Variants in SVEP1 observed in about 807,000 individuals in gnomAD.
SVEP1 encodes sushi, von Willebrand factor type A, EGF and pentraxin domain containing 1, also known as sushi, von Willebrand factor type A, EGF and pentraxin domain-containing protein 1.
SVEP1 carries 164 observed loss-of-function variants against 367.3 expected under a neutral mutation model. The ratio of observed to expected loss-of-function variants is 0.45; its 90% confidence interval spans 0.39 to 0.51. The LOEUF (loss-of-function observed/expected upper bound fraction) is 0.51. Ranked by LOEUF, SVEP1 falls within the 20% of genes least tolerant of loss-of-function variation. SVEP1 has a pLI of 0.00. For synonymous variants in SVEP1, 1,666 were observed against 1,611.6 expected, an observed-to-expected ratio of 1.03 and a Z score of -0.81; for missense variants, 4,117 against 4,425.3, an observed-to-expected ratio of 0.93 and a Z score of 1.98.
rs1460276532 is a variant in SVEP1 at position 110,457,289 on chromosome 9, C to T, written c.3640G>A (p.Gly1214Ser). The stretch of plus-strand genomic sequence containing the variant: ...CCAAGTGGACAGAGACAAACATAAC[C>T]ACGCCCAAGTTGCTGGCAGGTTCCA... ...NSGTCQQLGRGYVCLCPLGYT... is the reference protein window; with the variant it reads ...NSGTCQQLGRSYVCLCPLGYT... Residue 1214 changes from glycine to serine, a missense_variant, in exon 21 of 48, where the codon GGT becomes AGT. Gly to Ser is a moderately conservative substitution (Grantham distance 56). This residue lies in a region of SVEP1 where 2,174 missense variants were observed against 2,494.3 expected (regional missense o/e 0.87). Transcript: ENST00000374469. The T allele has an allele frequency of 1.2e-6, 2 of 1,612,484 alleles. No homozygotes were observed. The highest frequency in any genetic ancestry group is 4.5e-5 in the East Asian group (2 of 44,818).
intron 43 of SVEP1, among the ~76,000 whole-genome samples, chr9:110,384,261 T>A (rs991293885): frequency 2.0e-5 from 3 of 151,992 alleles, no homozygotes; most frequent in Non-Finnish European, 4.4e-5. Flanking sequence ...ACCACCTCCT[T>A]TGGCTGGGGG....
intron 8 of SVEP1, among the ~76,000 whole-genome samples, chr9:110,495,010 G>A (rs1829425311): frequency 6.6e-6 from 1 of 152,052 alleles, no homozygotes; most frequent in South Asian, 2.1e-4. Flanking sequence ...TTCTCAGAAT[G>A]AGTTTTTCAA....
chr9:110,414,440 C>A (rs1828087812), intron 36 of SVEP1, among the ~76,000 whole-genome samples: 2 of 151,948 alleles, frequency 1.3e-5, no homozygotes, highest in African/African-American at 4.8e-5. Flanking sequence ...TTGAGTACAG[C>A]CCCCAGTTAG....
chr9:110,469,175 C>T, intron 16 of SVEP1, 74 bp from the exon 17 acceptor site: 1 of 1,437,578 alleles, frequency 7.0e-7, no homozygotes, highest in Non-Finnish European at 9.3e-7. Context: ...TTTCCTAAGA[C>T]ATGAAAGTAA....
intron 3 of SVEP1, among the ~76,000 whole-genome samples, chr9:110,537,236 A>T (rs944930942): frequency 3.3e-5 from 5 of 151,978 alleles, no homozygotes; most frequent in African/African-American, 9.7e-5. Flanking sequence ...TTTCAGCACT[A>T]AAATCCATAA....
rs764147349 is a variant in SVEP1 at position 110,407,445 on chromosome 9, A to C, written c.8155T>G (p.Leu2719Val). The change falls in exon 38 of 48, where the codon TTG becomes GTG. Residue 2719 changes from leucine (L) to valine (V), a missense_variant. Coordinates refer to ENST00000374469, the MANE Select transcript of SVEP1 (RefSeq NM_153366.4). ...AAGCCATTTTCAGGAGCAGTAGGCA[A>C]GTCACATTCAATTGAAATGCAGGAT... ...APSCISIECD[L>V]PTAPENGFLR... is the part of the protein sequence containing the mutation. 1 of 1,614,042 alleles carries C rather than the reference A, an allele frequency of 6.2e-7. No homozygotes were observed. Among genetic ancestry groups the C allele is most frequent in the South Asian group, 1.1e-5 (1 of 91,086 alleles).
intron 13 of SVEP1, among the ~76,000 whole-genome samples, chr9:110,478,563 T>C (rs1279654951): frequency 1.3e-5 from 2 of 152,190 alleles, no homozygotes; most frequent in Admixed American, 1.3e-4. Flanking sequence ...GGGTGGAGTA[T>C]AATTAGTATG....
intron 42 of SVEP1, among the ~76,000 whole-genome samples, chr9:110,386,867 G>A (rs1588024913): frequency 1.3e-5 from 2 of 152,138 alleles, no homozygotes; most frequent in African/African-American, 4.8e-5. Flanking sequence ...CATTCGAATG[G>A]CTATAACTCA....
At chr9:110,381,474 T>C (rs948794525) in intron 43 of SVEP1, among the ~76,000 whole-genome samples, 6 of 152,216 alleles carry the variant, frequency 3.9e-5, no homozygotes, top group Non-Finnish European at 8.8e-5. Flanking sequence ...CAGGAGCAGA[T>C]TGTTCAATTT....
At chr9:110,560,094 G>A (rs942799147) in intron 1 of SVEP1, among the ~76,000 whole-genome samples, 1 of 152,078 alleles carries the variant, frequency 6.6e-6, no homozygotes, top group East Asian at 1.9e-4. Flanking sequence ...ATACAACCGT[G>A]ATCTCATAAG....
At chr9:110,493,778 A>G (rs989333985) in intron 8 of SVEP1, among the ~76,000 whole-genome samples, 4 of 151,998 alleles carry the variant, frequency 2.6e-5, no homozygotes, top group African/African-American at 9.7e-5. Context: ...AACAACAAGA[A>G]TGTATTATCC....
Position 110,365,643 on chromosome 9 carries a change from T to A in SVEP1, c.*896A>T, listed in dbSNP as rs1247880782. The A allele has an allele frequency of 1.3e-5, 2 of 152,270 alleles. No homozygotes were observed. Among genetic ancestry groups the A allele is most frequent in the Non-Finnish European group, 2.9e-5 (2 of 68,084 alleles). 9.4% of individuals were successfully genotyped at this position (152,270 alleles called of 1,614,324 possible). On this transcript the variant is annotated 3_prime_UTR_variant, in exon 48 of 48. Coordinates refer to ENST00000374469, the MANE Select transcript of SVEP1 (RefSeq NM_153366.4). ...TCAGCTTTCTCTTAGGTGGCTGCAA[T>A]TCTTTTTTGCAGGTGAGACCAGGAG...
At chr9:110,410,363 C>T (rs1285761398) in intron 37 of SVEP1, among the ~76,000 whole-genome samples, 1 of 152,108 alleles carries the variant, frequency 6.6e-6, no homozygotes, top group Non-Finnish European at 1.5e-5. Flanking sequence ...CTCTTTTGTC[C>T]ATCACAGTGA....
chr9:110,389,931 G>A (rs888258583), intron 40 of SVEP1, among the ~76,000 whole-genome samples: 2 of 150,672 alleles, frequency 1.3e-5, no homozygotes, highest in Admixed American at 6.7e-5. Context: ...GAATCATAGT[G>A]TATCATAATA....
intron 46 of SVEP1, among the ~76,000 whole-genome samples, chr9:110,371,727 T>C (rs1827279446): frequency 6.6e-6 from 1 of 152,204 alleles, no homozygotes; most frequent in Non-Finnish European, 1.5e-5. Context: ...CAAGTAGTAT[T>C]TGGCTCCTCA....
intron 39 of SVEP1, among the ~76,000 whole-genome samples, chr9:110,401,893 G>C (rs1198563980): frequency 1.3e-5 from 2 of 151,938 alleles, no homozygotes; most frequent in African/African-American, 2.4e-5. Flanking sequence ...TATATGAATT[G>C]GATAACAGTG....
chr9:110,513,475 T>A (rs1829754868), intron 4 of SVEP1, among the ~76,000 whole-genome samples: 1 of 152,174 alleles, frequency 6.6e-6, no homozygotes, highest in African/African-American at 2.4e-5. Flanking sequence ...GCAAAGTATA[T>A]TTGCTACAAA....
At chr9:110,504,451 T>C (rs1198120409) in intron 5 of SVEP1, among the ~76,000 whole-genome samples, 2 of 152,244 alleles carry the variant, frequency 1.3e-5, no homozygotes, top group East Asian at 3.9e-4. Flanking sequence ...AATACAGACA[T>C]GAGGAATGGT....
At chr9:110,405,987 A>T (rs548271027) in intron 38 of SVEP1, among the ~76,000 whole-genome samples, 173 bp downstream of exon 38, 2 of 152,346 alleles carry the variant, frequency 1.3e-5, no homozygotes, top group South Asian at 4.1e-4. Context: ...TTTTATACTC[A>T]GTGGATTTCT....
Sources: gnomAD v4.1 joint callset for allele counts (sites outside exome capture counted in the v4.1 genomes callset) on GRCh38, gnomAD v4.1.1 for gene constraint, gnomAD v4.1.1 regional missense constraint, MANE v1.5 for transcripts, NCBI Gene and HGNC (gene_info 2026-07-23, HGNC 2026-07-21) for gene names.